MMAA: variants seen among roughly 807,000 people sequenced by gnomAD.
MMAA encodes metabolism of cobalamin associated A.
MMAA carries 41 observed loss-of-function variants against 45.0 expected under a neutral mutation model. The ratio of observed to expected loss-of-function variants is 0.91; its 90% confidence interval spans 0.71 to 1.18. MMAA has a LOEUF of 1.18. Among genes scored for constraint, MMAA ranks in the 50% most tolerant of loss-of-function variants. The pLI, the probability that MMAA is intolerant of heterozygous loss-of-function variation, is 0.00. For synonymous variants in MMAA, 154 were observed against 178.2 expected (o/e 0.86, Z 1.08); for missense variants, 460 against 495.7 (o/e 0.93, Z 0.68).
intron 1 of MMAA, among the ~76,000 whole-genome samples, chr4:145,630,683 G>A (rs1158609155): frequency 3.3e-5 from 5 of 151,996 alleles, no homozygotes; most frequent in South Asian, 2.1e-4. Context: ...AGCCGAGATC[G>A]CACCATTGCA....
chr4:145,652,503 C>T lies in MMAA; in HGVS notation c.819+1356C>T, dbSNP rs112971152. Among the ~76,000 whole-genome samples, 376 of 151,988 alleles carry T rather than the reference C, an allele frequency of 2.5e-3. 2 individuals are homozygous for T. The highest frequency in any genetic ancestry group is 8.2e-3 in the African/African-American group (338 of 41,436). On this transcript the variant is annotated intron_variant, in intron 5 of 6. Transcript: ENST00000649156. Reference sequence around the variant, plus strand: ...CAGCACTTTGGGAGGCCGAGGTGGGCGGATCACGAGGTCAGGAGATTGAGA... The same window carrying T: ...CAGCACTTTGGGAGGCCGAGGTGGGTGGATCACGAGGTCAGGAGATTGAGA...
At chr4:145,655,106 T>C (rs905694829) in intron 6 of MMAA, 41 bp from the exon 7 acceptor site, 9 of 1,611,462 alleles carry the variant, frequency 5.6e-6, no homozygotes, top group Admixed American at 1.7e-5. Flanking sequence ...ATTTTTTCTA[T>C]CATTTTAAGT....
At chr4:145,643,956 T>C (rs955047102) in intron 3 of MMAA, among the ~76,000 whole-genome samples, 4 of 152,156 alleles carry the variant, frequency 2.6e-5, no homozygotes, top group African/African-American at 9.7e-5. Context: ...AAAAATTATA[T>C]AGACTTTGAA....
intron 6 of MMAA, 34 bp from the exon 7 acceptor site, chr4:145,655,113 A>G: frequency 1.2e-6 from 2 of 1,612,804 alleles, no homozygotes; most frequent in South Asian, 2.2e-5. Flanking sequence ...CTATCATTTT[A>G]AGTAAAATGG....
At chr4:145,629,109 C>T (rs115009612) in intron 1 of MMAA, among the ~76,000 whole-genome samples, 4,924 of 152,102 alleles carry the variant, frequency 0.032, 110 homozygotes, top group Middle Eastern at 0.078. Context: ...TGATATATCA[C>T]ATTGATTGAT....
rs534764844 is a variant in MMAA, at chr4:145,636,657, C to CT, written c.-65-2416dup. On this transcript the variant is annotated intron_variant, in intron 1 of 6. Coordinates refer to ENST00000649156, the MANE Select transcript of MMAA (RefSeq NM_172250.3). ...CTCAGACTGGAAAGCCTGCCTCAAC[C>CT]TTCTTCAACATTTTTGTTATTTCAG... Among the ~76,000 whole-genome samples, 5 of 152,334 alleles carry CT rather than the reference C, an allele frequency of 3.3e-5. No individual in the cohort carries two copies. The South Asian group carries it at 1.0e-3, about 32-fold the overall frequency.
At chr4:145,628,495 C>G (rs904134038) in intron 1 of MMAA, among the ~76,000 whole-genome samples, 6 of 152,168 alleles carry the variant, frequency 3.9e-5, no homozygotes, top group African/African-American at 1.4e-4. Context: ...ACTTCATCTT[C>G]AAAGACCTGA....
rs1343395652 is a variant in MMAA at position 145,659,338 on chromosome 4, C to CT, written c.*3908dup. 3 of 152,038 alleles carry CT rather than the reference C, an allele frequency of 2.0e-5. No homozygotes were observed. The East Asian group carries it at 5.8e-4, about 29-fold the overall frequency. 9.4% of individuals were successfully genotyped at this position (152,038 alleles called of 1,614,324 possible). A position where few individuals can be genotyped will look rare whatever the true frequency, so the allele number is the denominator to read the frequency against. ...GGCACAAAAGCAGTTATATTGAATG[C>CT]TTTTGTTTTAGAGAAAATTTCACTC... On this transcript the variant is annotated 3_prime_UTR_variant, in exon 7 of 7. Coordinates refer to ENST00000649156, the MANE Select transcript of MMAA (RefSeq NM_172250.3).
intron 1 of MMAA, among the ~76,000 whole-genome samples, chr4:145,637,317 C>CT (rs1727641166): frequency 6.6e-6 from 1 of 152,052 alleles, no homozygotes; most frequent in African/African-American, 2.4e-5. Context: ...TTTTAAATGT[C>CT]TTTTTGTGTG....
intron 1 of MMAA, among the ~76,000 whole-genome samples, chr4:145,637,120 A>G (rs1727636968): frequency 6.6e-6 from 1 of 152,194 alleles, no homozygotes; most frequent in African/African-American, 2.4e-5. Flanking sequence ...TATAGTCACC[A>G]TTACTCTTAT....
chr4:145,630,883 A>T (rs1734323481), intron 1 of MMAA, among the ~76,000 whole-genome samples: 1 of 152,144 alleles, frequency 6.6e-6, no homozygotes, highest in South Asian at 2.1e-4. Context: ...ACATTTTTCA[A>T]TGTCCTTAAT....
Position 145,654,093 on chromosome 4 carries a change from G to A in MMAA, c.919G>A (p.Val307Met). Residue 307 changes from valine to methionine, a missense_variant, in exon 6 of 7, where the codon GTG (valine) becomes ATG (methionine). By Grantham distance (21) the Val-to-Met change is conservative. Transcript: ENST00000649156. The part of the protein sequence containing the change: ...VPARRIQAEY[V>M]SALKLLRKRS... ...AGCTCGAAGGATACAAGCGGAATAT[G>A]TGAGTGCACTGAAATTACTCCGCAA... is the stretch of plus-strand genomic sequence containing the variant. 2 of 1,614,174 alleles carry A rather than the reference G, an allele frequency of 1.2e-6. No individual in the cohort carries two copies. Among genetic ancestry groups the A allele is most frequent in the Non-Finnish European group, 1.7e-6 (2 of 1,180,026 alleles).
At chr4:145,644,478 C>G (rs10009151) in intron 3 of MMAA, among the ~76,000 whole-genome samples, 4,849 of 152,186 alleles carry the variant, frequency 0.032, 100 homozygotes, top group Middle Eastern at 0.082. Context: ...TATGTGGAAA[C>G]ATTATGTGGA....
intron 6 of MMAA, 33 bp downstream of exon 6, chr4:145,654,176 T>C: frequency 6.2e-7 from 1 of 1,612,942 alleles, no homozygotes. Flanking sequence ...TCTTTCACTC[T>C]GAATGGATTG....
chr4:145,649,763 A>T (rs1162884055), intron 4 of MMAA, among the ~76,000 whole-genome samples: 1 of 151,852 alleles, frequency 6.6e-6, no homozygotes, highest in Non-Finnish European at 1.5e-5. Context: ...GAGTTTCCAG[A>T]GTTTTGGTGG....
intron 1 of MMAA, among the ~76,000 whole-genome samples, chr4:145,633,398 A>G (rs1727518782): frequency 6.6e-6 from 1 of 151,208 alleles, no homozygotes; most frequent in South Asian, 2.1e-4. Context: ...GGGTTTCACC[A>G]TGTTGGCCAG....
intron 1 of MMAA, chr4:145,625,358 C>T (rs1734179258): frequency 1.3e-5 from 9 of 702,210 alleles, no homozygotes; most frequent in South Asian, 1.2e-4. Context: ...TTTGGTGAGC[C>T]AGTCCTGGGG....
chr4:145,635,396 C>T (rs548747188), intron 1 of MMAA, among the ~76,000 whole-genome samples: 269 of 152,292 alleles, frequency 1.8e-3, no homozygotes, highest in African/African-American at 6.2e-3. Flanking sequence ...CTATCCCTCT[C>T]CCCATCTCAC....
chr4:145,637,349 G>C (rs1300220266), intron 1 of MMAA, among the ~76,000 whole-genome samples: 2 of 152,130 alleles, frequency 1.3e-5, no homozygotes, highest in African/African-American at 2.4e-5. Context: ...GGTGACATTA[G>C]ATCTTTTAAA....
Sources: gnomAD v4.1 joint callset for allele counts (sites outside exome capture counted in the v4.1 genomes callset) on GRCh38, gnomAD v4.1.1 for gene constraint, MANE v1.5 for transcripts, NCBI Gene and HGNC (gene_info 2026-07-23, HGNC 2026-07-21) for gene names.